The following PDE4D variants were observed in gnomAD, a reference collection of about 807,000 sequenced individuals.
PDE4D encodes 3',5'-cyclic-AMP phosphodiesterase 4D.
PDE4D carries 24 observed loss-of-function variants against 87.4 expected under a neutral mutation model. That is an observed-to-expected ratio of 0.27 (90% confidence interval 0.20 to 0.39). The LOEUF (loss-of-function observed/expected upper bound fraction) is 0.39. Ranked by LOEUF, PDE4D falls within the 10% of genes least tolerant of loss-of-function variation. The probability of loss-of-function intolerance (pLI) is 1.00; values close to 1 mark genes in which losing one functional copy is unlikely to be tolerated. For missense variants in PDE4D, 714 were observed against 1,041.0 expected, an observed-to-expected ratio of 0.69 and a Z score of 4.32; for synonymous variants, 384 against 383.2, an observed-to-expected ratio of 1.00 and a Z score of -0.02.
At chr5:59,086,050 A>T (rs1047553561) in intron 5 of PDE4D, among the ~76,000 whole-genome samples, 1 of 152,174 alleles carries the variant, frequency 6.6e-6, no homozygotes, top group African/African-American at 2.4e-5. Context: ...AAAAGTAAAC[A>T]ATCTATTAAC....
intron 6 of PDE4D, among the ~76,000 whole-genome samples, chr5:59,037,487 C>T (rs1758726297): frequency 6.6e-6 from 1 of 152,150 alleles, no homozygotes; most frequent in South Asian, 2.1e-4. Flanking sequence ...ATTTGTTACT[C>T]AGATGAGAAT....
chr5:60,061,507 C>T (rs1771400839), intron 2 of PDE4D, among the ~76,000 whole-genome samples: 2 of 150,948 alleles, frequency 1.3e-5, no homozygotes, highest in African/African-American at 4.9e-5. Flanking sequence ...CCATACAGCC[C>T]AAAGTAGTTT....
chr5:60,189,812 G>C (rs1412796366), intron 1 of PDE4D, among the ~76,000 whole-genome samples: 2 of 152,188 alleles, frequency 1.3e-5, no homozygotes, highest in Admixed American at 6.5e-5. Flanking sequence ...TATGTGCCAG[G>C]CACAGTACTA....
At chr5:60,248,967 G>C (rs999148926) in intron 1 of PDE4D, among the ~76,000 whole-genome samples, 1 of 151,988 alleles carries the variant, frequency 6.6e-6, no homozygotes, top group Non-Finnish European at 1.5e-5. Flanking sequence ...ATCAAAAATT[G>C]AGCATGTGGC....
intron 11 of PDE4D, among the ~76,000 whole-genome samples, chr5:58,981,018 T>G (rs1745000382): frequency 6.6e-6 from 1 of 152,114 alleles, no homozygotes; most frequent in Admixed American, 6.6e-5. Context: ...CAATGTTTTG[T>G]TCTTCTCTTT....
chr5:59,090,500 G>A (rs1768506452), intron 5 of PDE4D, among the ~76,000 whole-genome samples: 1 of 152,104 alleles, frequency 6.6e-6, no homozygotes. Context: ...GTGAGACAAT[G>A]GCTGTAAAGC....
chr5:59,583,523 C>G (rs1824569861), intron 1 of PDE4D, among the ~76,000 whole-genome samples: 1 of 152,150 alleles, frequency 6.6e-6, no homozygotes, highest in South Asian at 2.1e-4. Flanking sequence ...TGGAAAGAAG[C>G]CTTCGCAATA....
intron 1 of PDE4D, among the ~76,000 whole-genome samples, chr5:59,588,431 C>A (rs954875601): frequency 6.6e-6 from 1 of 152,116 alleles, no homozygotes; most frequent in East Asian, 1.9e-4. Context: ...CATTAATATA[C>A]CACTTTTAAC....
Position 59,279,347 on chromosome 5 carries a change from C to T in PDE4D, c.456-63379G>A, listed in dbSNP as rs557746226. 4.6e-5 allele frequency among the ~76,000 whole-genome samples: 7 copies of T among 152,166 alleles called. 1 individual carries two copies. Among genetic ancestry groups the T allele is most frequent in the Middle Eastern group, 3.4e-3 (1 of 294 alleles). On this transcript the variant is annotated intron_variant, in intron 1 of 14. Coordinates refer to ENST00000340635, the MANE Select transcript of PDE4D (RefSeq NM_001104631.2). ...ACACTGAACTCCTGTAGCAGTTCCT[C>T]ATTATTGAGAAATATTGTGTTATTT...
intron 6 of PDE4D, 76 bp downstream of exon 6, chr5:59,038,783 G>T: frequency 7.7e-7 from 1 of 1,304,164 alleles, no homozygotes; most frequent in African/African-American, 1.5e-5. Flanking sequence ...ATTTCCCGGG[G>T]CTATGGGTAC....
At chr5:59,096,676 A>C (rs190064846) in intron 5 of PDE4D, among the ~76,000 whole-genome samples, 23 of 152,322 alleles carry the variant, frequency 1.5e-4, no homozygotes, top group African/African-American at 5.3e-4. Flanking sequence ...AAAAATGGAG[A>C]GTTCTTCTGA....
intron 1 of PDE4D, among the ~76,000 whole-genome samples, chr5:59,433,302 A>G (rs1191531076): frequency 6.6e-6 from 1 of 152,018 alleles, no homozygotes; most frequent in Non-Finnish European, 1.5e-5. Flanking sequence ...TAGCAGGGGC[A>G]TTTTTGCTTG....
At chr5:60,400,577 T>C (rs1740989827) in intron 1 of PDE4D, among the ~76,000 whole-genome samples, 2 of 148,814 alleles carry the variant, frequency 1.3e-5, no homozygotes, top group Non-Finnish European at 3.0e-5. Flanking sequence ...CCCAAGTATA[T>C]GTAATGACAT....
chr5:59,738,631 T>G (rs1383179550), intron 1 of PDE4D, among the ~76,000 whole-genome samples: 1 of 151,970 alleles, frequency 6.6e-6, no homozygotes, highest in Non-Finnish European at 1.5e-5. Flanking sequence ...TGTTGTATGG[T>G]TTGAACTCTT....
chr5:59,307,655 A>T (rs1217227933), intron 1 of PDE4D, among the ~76,000 whole-genome samples: 1 of 151,058 alleles, frequency 6.6e-6, no homozygotes, highest in Non-Finnish European at 1.5e-5. Flanking sequence ...TCAAAACCAC[A>T]ATGAGATACC....
At chr5:59,394,113 C>G (rs443191) in intron 1 of PDE4D, among the ~76,000 whole-genome samples, 63,674 of 151,712 alleles carry the variant, frequency 0.42, 13,629 homozygotes, top group East Asian at 0.48. Context: ...CTAAAATATA[C>G]TGTGTCGTTT....
chr5:59,516,839 T>C (rs1313468616), intron 1 of PDE4D, among the ~76,000 whole-genome samples: 4 of 152,142 alleles, frequency 2.6e-5, no homozygotes, highest in Non-Finnish European at 5.9e-5. Flanking sequence ...AAAATTTGTC[T>C]TTCAAAAAAC....
chr5:60,048,373 T>C (rs1412937509), intron 2 of PDE4D, among the ~76,000 whole-genome samples: 1 of 152,160 alleles, frequency 6.6e-6, no homozygotes, highest in Non-Finnish European at 1.5e-5. Flanking sequence ...ACATTTAAAG[T>C]TAATATTGTT....
chr5:59,933,792 T>TATATATATATATATATATATATATATATA (rs1561879282), intron 3 of PDE4D, among the ~76,000 whole-genome samples: 1 of 99,418 alleles, frequency 1.0e-5, no homozygotes, highest in African/African-American at 4.9e-5. Flanking sequence ...ATATATATAT[T>TATATATATATATATATATATATATATATA]AATAAGCATT....
Sources: allele counts gnomAD v4.1 joint callset (sites outside exome capture counted in the v4.1 genomes callset), GRCh38; gene constraint gnomAD v4.1.1; transcripts MANE v1.5; gene names NCBI Gene and HGNC (gene_info 2026-07-23, HGNC 2026-07-21).